The following C8orf34 variants were observed in gnomAD, a reference collection of about 807,000 sequenced individuals.
The protein encoded by C8orf34 is uncharacterized protein C8orf34.
In C8orf34, 65 loss-of-function variants were observed where a neutral mutation model predicts 68.3. The observed-to-expected ratio is 0.95, with a 90% CI of 0.78 to 1.17. The LOEUF (loss-of-function observed/expected upper bound fraction) is 1.17, where lower values mean the gene tolerates loss of function less well. Ranked by LOEUF, C8orf34 falls within the 50% of genes most tolerant of loss-of-function variation. The pLI, the probability that C8orf34 is intolerant of heterozygous loss-of-function variation, is 0.00. For synonymous variants in C8orf34, 244 were observed against 241.2 expected (o/e 1.01, Z -0.11); for missense variants, 664 against 655.4 (o/e 1.01, Z -0.14).
At chr8:68,456,730 A>C (rs1811569540) in intron 3 of C8orf34, among the ~76,000 whole-genome samples, 1 of 152,166 alleles carries the variant, frequency 6.6e-6, no homozygotes, top group South Asian at 2.1e-4. Context: ...TTGCCTTGTA[A>C]TGTTTTGGCA....
intron 5 of C8orf34, among the ~76,000 whole-genome samples, chr8:68,521,455 G>A (rs548725875): frequency 2.6e-5 from 4 of 152,182 alleles, no homozygotes; most frequent in African/African-American, 9.6e-5. Context: ...CTATTTCCCA[G>A]CAGTGACACC....
At position 68,694,228 on chromosome 8, in the gene C8orf34, A is replaced by G. The variant is rs116757941; in HGVS notation, c.1242-14766A>G. 3.4e-3 allele frequency among the ~76,000 whole-genome samples: 510 copies of G among 152,228 alleles called. 4 individuals carry two copies. Among genetic ancestry groups the G allele is most frequent in the African/African-American group, 0.011 (465 of 41,554 alleles). ...AGGAAAATGAAACAAATAGGCCTTA[A>G]GTGCATCTGGCTTCCCTATGCCCCC... On this transcript the variant is annotated intron_variant, in intron 8 of 13. Transcript: ENST00000518698.
In C8orf34 at chr8:68,691,295, T is replaced by C. The variant is rs76796772; in HGVS notation, c.1242-17699T>C. ...CTCACTTCATGTCTCTGTGTCAGCATTTTTTAGTAATAAAGTATTTGAATT... is the reference window on the plus strand; with the variant it reads ...CTCACTTCATGTCTCTGTGTCAGCACTTTTTAGTAATAAAGTATTTGAATT... On this transcript the variant is annotated intron_variant, in intron 8 of 13. Coordinates refer to ENST00000518698, the MANE Select transcript of C8orf34 (RefSeq NM_052958.4). Among the ~76,000 whole-genome samples the C allele has an allele frequency of 4.5e-3, 690 of 152,186 alleles. 4 individuals are homozygous for C. The highest frequency in any genetic ancestry group is 0.016 in the African/African-American group (655 of 41,562).
chr8:68,773,694 G>A lies in C8orf34; in HGVS notation c.1405-2705G>A, dbSNP rs7016639. 7.8e-3 allele frequency among the ~76,000 whole-genome samples: 1,180 copies of A among 152,170 alleles called. 17 individuals are homozygous for A. Among genetic ancestry groups the A allele is most frequent in the African/African-American group, 0.026 (1,088 of 41,532 alleles). On this transcript the variant is annotated intron_variant, in intron 10 of 13. Coordinates refer to ENST00000518698, the MANE Select transcript of C8orf34 (RefSeq NM_052958.4). ...AGCCGCCACACCGGCCCCTCCGAGA[G>A]TCTTTTGCTTTATGCTCCTCATTCA... is the stretch of plus-strand genomic sequence containing the variant.
intron 4 of C8orf34, among the ~76,000 whole-genome samples, chr8:68,470,908 A>G (rs561440988): frequency 6.6e-6 from 1 of 152,104 alleles, no homozygotes; most frequent in Non-Finnish European, 1.5e-5. Flanking sequence ...TTTTGGGAGG[A>G]CACCAACATT....
chr8:68,713,994 A>G (rs920939360), intron 9 of C8orf34, among the ~76,000 whole-genome samples: 1 of 152,170 alleles, frequency 6.6e-6, no homozygotes, highest in African/African-American at 2.4e-5. Flanking sequence ...AACATATGCA[A>G]GTCAATAAAT....
At chr8:68,417,954 T>A (rs1015948015) in intron 1 of C8orf34, among the ~76,000 whole-genome samples, 4 of 151,214 alleles carry the variant, frequency 2.6e-5, no homozygotes, top group African/African-American at 9.8e-5. Flanking sequence ...TTTGTTTGTA[T>A]CCTCTTTTAT....
chr8:68,541,133 A>G (rs192557189), intron 7 of C8orf34, among the ~76,000 whole-genome samples: 48 of 152,234 alleles, frequency 3.2e-4, no homozygotes, highest in African/African-American at 1.2e-3. Context: ...ATGAAGTAAA[A>G]TCATGCATGG....
At chr8:68,359,152 T>C (rs1308253375) in intron 1 of C8orf34, among the ~76,000 whole-genome samples, 1 of 152,180 alleles carries the variant, frequency 6.6e-6, no homozygotes, top group African/African-American at 2.4e-5. Flanking sequence ...CAAAATTATA[T>C]GCACAATATT....
At chr8:68,744,503 G>A (rs1249874485) in intron 10 of C8orf34, among the ~76,000 whole-genome samples, 72 of 151,600 alleles carry the variant, frequency 4.7e-4, no homozygotes, top group African/African-American at 1.6e-3. Context: ...TTAGAAGAAT[G>A]TATAACTAGA....
chr8:68,468,708 G>A lies in C8orf34; in HGVS notation c.624G>A (p.Glu208=), dbSNP rs1023007134. The A allele has an allele frequency of 6.2e-7, 1 of 1,612,584 alleles. No homozygotes were observed. The highest frequency in any genetic ancestry group is 8.5e-7 in the Non-Finnish European group (1 of 1,179,136). The change falls in exon 4 of 14, where the codon GAG becomes GAA. Residue 208 remains glutamate, a synonymous_variant. Transcript: ENST00000518698. The stretch of plus-strand genomic sequence containing the variant: ...TAAACATAGTGCCAAGGTCAGTAGA[G>A]CATCCAAAGTGGAACTGGAGGACTA... ...PDSKSLPRSV[E]HPKWNWRTKP...
chr8:68,720,902 C>G (rs971108494), intron 9 of C8orf34, among the ~76,000 whole-genome samples: 1 of 151,746 alleles, frequency 6.6e-6, no homozygotes, highest in Non-Finnish European at 1.5e-5. Flanking sequence ...TAATAATATG[C>G]GCCCCTCTCT....
intron 12 of C8orf34, among the ~76,000 whole-genome samples, chr8:68,794,505 A>ATATATATATATATATATTTTTT (rs1313909362): frequency 1.6e-5 from 1 of 62,238 alleles, no homozygotes; most frequent in African/African-American, 1.2e-4. Context: ...ATATATATAT[A>ATATATATATATATATATTTTTT]TTTTTTTTTT....
intron 6 of C8orf34, among the ~76,000 whole-genome samples, chr8:68,524,355 TTAA>T (rs1354617579): frequency 1.3e-5 from 2 of 152,150 alleles, no homozygotes; most frequent in African/African-American, 4.8e-5. Context: ...TATGAAGAGG[TTAA>T]TAAGTATGTT....
chr8:68,806,709 T>C (rs893704418), intron 12 of C8orf34, among the ~76,000 whole-genome samples: 1 of 152,194 alleles, frequency 6.6e-6, no homozygotes, highest in African/African-American at 2.4e-5. Flanking sequence ...AAATCTATCG[T>C]TTTTATATGT....
At chr8:68,578,617 T>C (rs1479495901) in intron 7 of C8orf34, among the ~76,000 whole-genome samples, 1 of 149,506 alleles carries the variant, frequency 6.7e-6, no homozygotes, top group African/African-American at 2.6e-5. Flanking sequence ...GTGAAAGATA[T>C]CTATAGTTCA....
intron 5 of C8orf34, among the ~76,000 whole-genome samples, chr8:68,520,343 TTGTA>T (rs1280844082): frequency 6.6e-6 from 1 of 152,228 alleles, no homozygotes; most frequent in East Asian, 1.9e-4. Flanking sequence ...ATATATTACA[TTGTA>T]TGTACTGTAA....
At chr8:68,538,015 C>G (rs1287829191) in intron 7 of C8orf34, among the ~76,000 whole-genome samples, 1 of 152,060 alleles carries the variant, frequency 6.6e-6, no homozygotes, top group Non-Finnish European at 1.5e-5. Context: ...AAAATGAAAT[C>G]TAAACCCATA....
At chr8:68,516,443 G>C (rs1013671320) in intron 5 of C8orf34, among the ~76,000 whole-genome samples, 16 of 152,118 alleles carry the variant, frequency 1.1e-4, no homozygotes, top group Non-Finnish European at 2.4e-4. Context: ...GTATAATCAA[G>C]TGCTGTGCTG....
Sources: allele counts gnomAD v4.1 joint callset (sites outside exome capture counted in the v4.1 genomes callset), GRCh38; gene constraint gnomAD v4.1.1; transcripts MANE v1.5; gene names NCBI Gene and HGNC (gene_info 2026-07-23, HGNC 2026-07-21).